Variants in OPRD1 observed in about 807,000 individuals in gnomAD.
The protein encoded by OPRD1 is opioid receptor delta 1, also known as delta-type opioid receptor.
OPRD1 carries 19 observed loss-of-function variants against 17.5 expected under a neutral mutation model. The ratio of observed to expected loss-of-function variants is 1.09; its 90% CI spans 0.76 to 1.60. OPRD1 has a LOEUF of 1.60. Among genes scored for constraint, OPRD1 ranks in the 40% most tolerant of loss-of-function variants. The probability of loss-of-function intolerance (pLI) is 0.00; values close to 1 mark genes in which losing one functional copy is unlikely to be tolerated. For missense variants in OPRD1, 483 were observed against 547.2 expected (o/e 0.88, Z 1.17); for synonymous variants, 256 against 240.9 (o/e 1.06, Z -0.58).
At chr1:28,814,101 C>A (rs184938564) in intron 1 of OPRD1, among the ~76,000 whole-genome samples, 1 of 151,434 alleles carries the variant, frequency 6.6e-6, no homozygotes, top group East Asian at 1.9e-4. Flanking sequence ...TCATCACAAG[C>A]AACAGTGGGA....
intron 1 of OPRD1, among the ~76,000 whole-genome samples, chr1:28,816,635 C>T (rs1205945453): frequency 1.3e-5 from 2 of 152,130 alleles, no homozygotes; most frequent in Admixed American, 6.5e-5. Context: ...TTCCATGAAG[C>T]GTGAGCAGGA....
chr1:28,831,622 G>T (rs982117665), intron 1 of OPRD1, among the ~76,000 whole-genome samples: 1 of 152,112 alleles, frequency 6.6e-6, no homozygotes, highest in African/African-American at 2.4e-5. Flanking sequence ...ATGGCTCACT[G>T]CAGGCTCAAC....
intron 1 of OPRD1, among the ~76,000 whole-genome samples, chr1:28,813,121 C>T (rs562655947): frequency 1.3e-5 from 2 of 152,312 alleles, no homozygotes; most frequent in Admixed American, 6.5e-5. Flanking sequence ...ATTTGGTGCT[C>T]ATCTGTTGGT....
At chr1:28,813,417 C>T (rs2088648749) in intron 1 of OPRD1, among the ~76,000 whole-genome samples, 1 of 152,180 alleles carries the variant, frequency 6.6e-6, no homozygotes, top group Non-Finnish European at 1.5e-5. Flanking sequence ...ATGCCCTCTC[C>T]CATTTTCTCT....
chr1:28,832,861 T>C (rs204055), intron 1 of OPRD1, among the ~76,000 whole-genome samples: 76,053 of 151,988 alleles, frequency 0.5, 19,864 homozygotes, highest in East Asian at 0.81. Context: ...GCCCATTGTC[T>C]TCAAAGGGTA....
At chr1:28,830,320 C>T (rs968689035) in intron 1 of OPRD1, among the ~76,000 whole-genome samples, 1 of 151,684 alleles carries the variant, frequency 6.6e-6, no homozygotes, top group Non-Finnish European at 1.5e-5. Flanking sequence ...CCCAGGAGTT[C>T]GAGACCAGCC....
At chr1:28,819,967 C>T (rs1361393660) in intron 1 of OPRD1, among the ~76,000 whole-genome samples, 3 of 152,118 alleles carry the variant, frequency 2.0e-5, no homozygotes, top group Non-Finnish European at 4.4e-5. Context: ...TACATACACA[C>T]CCTCTCTGAG....
At chr1:28,848,959 C>T (rs1368887992) in intron 1 of OPRD1, among the ~76,000 whole-genome samples, 1 of 152,124 alleles carries the variant, frequency 6.6e-6, no homozygotes. Context: ...GTTAGGCACC[C>T]CCATCTTTGT....
Position 28,859,171 on chromosome 1 carries a change from G to T in OPRD1, c.445G>T (p.Ala149Ser), listed in dbSNP as rs750038268. ...CATGATGAGTGTTGACCGCTACATC[G>T]CTGTCTGCCACCCTGTCAAGGCCCT... ...LTMMSVDRYI[A>S]VCHPVKALDF... is the part of the protein sequence containing the mutation. Residue 149 changes from alanine to serine, a missense_variant, in exon 2 of 3, where the codon GCT becomes TCT. By Grantham distance (99) the Ala-to-Ser change is moderately conservative. Coordinates refer to ENST00000234961, the MANE Select transcript of OPRD1 (RefSeq NM_000911.4). 6 of 1,614,200 alleles carry T rather than the reference G, an allele frequency of 3.7e-6. No homozygotes were observed. Among genetic ancestry groups the T allele is most frequent in the Non-Finnish European group, 5.1e-6 (6 of 1,180,052 alleles).
intron 1 of OPRD1, 29 bp from the exon 2 acceptor site, chr1:28,858,925 G>T: frequency 6.4e-7 from 1 of 1,565,214 alleles, no homozygotes; most frequent in East Asian, 2.2e-5. Flanking sequence ...TGTGAAATGG[G>T]ATTAATTACA....
chr1:28,863,635 A>C lies in OPRD1; in HGVS notation c.*352A>C. On this transcript the variant is annotated 3_prime_UTR_variant, in exon 3 of 3. Coordinates refer to ENST00000234961, the MANE Select transcript of OPRD1 (RefSeq NM_000911.4). ...GCATCTCCAGGAAGGCGGGGCTTCA[A>C]CCTTGAGACAGCTTCGGTTTCTAAC... 1 of 248,658 alleles carries C rather than the reference A, an allele frequency of 4.0e-6. No individual in the cohort carries two copies. The highest frequency in any genetic ancestry group is 7.6e-6 in the Non-Finnish European group (1 of 130,846). The allele number at this position is 248,658 out of a possible 1,614,324, so 15.4% of individuals were successfully genotyped here.
At chr1:28,843,388 T>C (rs2088910380) in intron 1 of OPRD1, among the ~76,000 whole-genome samples, 1 of 152,052 alleles carries the variant, frequency 6.6e-6, no homozygotes, top group Non-Finnish European at 1.5e-5. Context: ...TCTCCAGAAG[T>C]TTTTCATCTT....
rs150744628 is a variant in OPRD1 at position 28,861,305 on chromosome 1, C to G, written c.578-1437C>G. 4.6e-5 allele frequency among the ~76,000 whole-genome samples: 7 copies of G among 152,202 alleles called. No homozygotes were observed. The East Asian group carries it at 1.4e-3, about 29-fold the overall frequency. On this transcript the variant is annotated intron_variant, in intron 2 of 2. Coordinates refer to ENST00000234961, the MANE Select transcript of OPRD1 (RefSeq NM_000911.4). ...CTGTATCAGAATCCCACAACACCCC[C>G]TAAGGTGTTCATCCAGCCCAAGCCC... is the stretch of plus-strand genomic sequence containing the variant.
chr1:28,832,487 C>T (rs1484904930), intron 1 of OPRD1, among the ~76,000 whole-genome samples: 1 of 152,072 alleles, frequency 6.6e-6, no homozygotes, highest in African/African-American at 2.4e-5. Context: ...AATGGTGGCA[C>T]ACACCTGTAG....
intron 1 of OPRD1, among the ~76,000 whole-genome samples, chr1:28,824,474 C>T (rs1043318257): frequency 2.5e-4 from 38 of 151,364 alleles, no homozygotes; most frequent in African/African-American, 8.5e-4. Flanking sequence ...CCACCACACC[C>T]GGCTAATTTT....
chr1:28,812,402 G>T lies in OPRD1; in HGVS notation c.19G>T (p.Ala7Ser). 6.9e-7 allele frequency: 1 copy of T among 1,441,026 alleles called. No individual in the cohort carries two copies. The highest frequency in any genetic ancestry group is 3.0e-5 in the East Asian group (1 of 33,522). 89.3% of individuals were successfully genotyped at this position (1,441,026 alleles called of 1,614,324 possible). MEPAPSAGAELQPPLFA... is the reference protein window; with the variant it reads MEPAPSSGAELQPPLFA... Reference sequence around the variant, plus strand: ...GGCAGCCATGGAACCGGCCCCCTCCGCCGGCGCCGAGCTGCAGCCCCCGCT... The same window carrying T: ...GGCAGCCATGGAACCGGCCCCCTCCTCCGGCGCCGAGCTGCAGCCCCCGCT... The change falls in exon 1 of 3, where the codon GCC (alanine) becomes TCC (serine). Residue 7 changes from alanine (A) to serine (S), a missense_variant. Ala to Ser is a moderately conservative substitution (Grantham distance 99, BLOSUM62 1). Transcript: ENST00000234961.
chr1:28,836,339 C>A (rs1418382396), intron 1 of OPRD1, among the ~76,000 whole-genome samples: 2 of 151,954 alleles, frequency 1.3e-5, no homozygotes, highest in Admixed American at 1.3e-4. Flanking sequence ...TATGGTGATA[C>A]CCCGTCTCCA....
chr1:28,813,835 G>T (rs2088651287), intron 1 of OPRD1, among the ~76,000 whole-genome samples: 1 of 152,146 alleles, frequency 6.6e-6, no homozygotes, highest in Non-Finnish European at 1.5e-5. Context: ...GCCTAGTCAT[G>T]GATGCCCAGG....
intron 1 of OPRD1, among the ~76,000 whole-genome samples, chr1:28,817,672 T>C (rs1409924120): frequency 6.6e-6 from 1 of 152,174 alleles, no homozygotes; most frequent in Non-Finnish European, 1.5e-5. Context: ...TCTCTATCCA[T>C]GTCCCAGAGG....
Sources: gnomAD v4.1 joint callset for allele counts (sites outside exome capture counted in the v4.1 genomes callset) on GRCh38, gnomAD v4.1.1 for gene constraint, MANE v1.5 for transcripts, NCBI Gene and HGNC (gene_info 2026-07-23, HGNC 2026-07-21) for gene names.